CHM: variants seen among roughly 807,000 people sequenced by gnomAD.
CHM encodes CHM Rab escort protein.
Under a neutral mutation model 49.0 loss-of-function variants are expected in CHM, and 10 were observed. The observed-to-expected ratio is 0.20, with a 90% confidence interval of 0.13 to 0.35. CHM has a LOEUF of 0.35. CHM is among the 10% of genes least tolerant of loss of function. CHM has a pLI of 1.00. For synonymous variants in CHM, 184 were observed against 167.5 expected (o/e 1.10, Z -0.76); for missense variants, 455 against 478.4 (o/e 0.95, Z 0.46).
intron 1 of CHM, among the ~76,000 whole-genome samples, chrX:86,036,529 C>A (rs1484126677): frequency 9.1e-6 from 1 of 110,415 alleles, no homozygotes; most frequent in African/African-American, 3.3e-5. Flanking sequence ...GGGTGCCTGG[C>A]TCTTAGTTGA....
At chrX:85,892,518 G>A (rs1001757801) in intron 12 of CHM, among the ~76,000 whole-genome samples, 5 of 110,043 alleles carry the variant, frequency 4.5e-5, no homozygotes, top group African/African-American at 1.7e-4. Context: ...CCACCGCCAT[G>A]TTAAGAAGTG....
chrX:86,024,395 C>G (rs187725157), intron 2 of CHM, among the ~76,000 whole-genome samples: 23 of 112,549 alleles, frequency 2.0e-4, no homozygotes, highest in Admixed American at 2.0e-3. Context: ...CCCAGACCCA[C>G]TCATTTCAAC....
At chrX:86,033,418 T>C (rs1934116718) in intron 1 of CHM, among the ~76,000 whole-genome samples, 1 of 112,365 alleles carries the variant, frequency 8.9e-6, no homozygotes. Context: ...CCATGTGTTA[T>C]TTATAACCAG....
intron 1 of CHM, among the ~76,000 whole-genome samples, chrX:86,039,985 T>C (rs1569263540): frequency 9.0e-6 from 1 of 111,716 alleles, no homozygotes; most frequent in Non-Finnish European, 1.9e-5. Flanking sequence ...ACATTTACCA[T>C]CCTTCAATTC....
intron 2 of CHM, among the ~76,000 whole-genome samples, chrX:86,003,607 T>C (rs1331705201): frequency 8.9e-6 from 1 of 111,948 alleles, no homozygotes; most frequent in African/African-American, 3.3e-5. Flanking sequence ...GAGAACTTCA[T>C]GACGCATGCA....
chrX:86,035,404 GAAC>G (rs1934195471), intron 1 of CHM, among the ~76,000 whole-genome samples: 1 of 111,430 alleles, frequency 9.0e-6, no homozygotes, highest in African/African-American at 3.3e-5. Context: ...AGCTCTGAGA[GAAC>G]AACATGAATC....
At chrX:85,918,380 C>A (rs1426779444) in intron 8 of CHM, among the ~76,000 whole-genome samples, 1 of 111,847 alleles carries the variant, frequency 8.9e-6, no homozygotes, top group East Asian at 2.8e-4. Flanking sequence ...TACCACCACA[C>A]CTACCTTAAA....
intron 8 of CHM, among the ~76,000 whole-genome samples, chrX:85,922,737 G>A (rs1000303012): frequency 3.6e-5 from 4 of 111,821 alleles, no homozygotes; most frequent in Non-Finnish European, 1.9e-5. Flanking sequence ...ATCTTTCATA[G>A]GCAATGACTC....
intron 1 of CHM, among the ~76,000 whole-genome samples, chrX:86,043,490 C>G (rs1934550672): frequency 9.1e-6 from 1 of 109,941 alleles, no homozygotes; most frequent in Non-Finnish European, 1.9e-5. Context: ...ACTGCAGCCT[C>G]AAACTCCCAG....
intron 2 of CHM, among the ~76,000 whole-genome samples, chrX:86,016,545 C>T (rs1402789339): frequency 8.9e-6 from 1 of 112,734 alleles, no homozygotes; most frequent in Non-Finnish European, 1.9e-5. Flanking sequence ...GGTGCAAGCC[C>T]AAAGCCTTGG....
intron 2 of CHM, among the ~76,000 whole-genome samples, chrX:86,013,473 C>G (rs966764581): frequency 9.0e-6 from 1 of 111,475 alleles, no homozygotes; most frequent in Non-Finnish European, 1.9e-5. Context: ...GTGGCTCATG[C>G]CTGTAATCCC....
chrX:85,914,655 G>A (rs1221111007), intron 8 of CHM, among the ~76,000 whole-genome samples: 2 of 110,691 alleles, frequency 1.8e-5, no homozygotes, highest in Non-Finnish European at 3.8e-5. Context: ...TGACACACTG[G>A]GAGCCCTTCC....
intron 2 of CHM, among the ~76,000 whole-genome samples, chrX:85,988,789 A>C (rs1932040616): frequency 8.9e-6 from 1 of 111,932 alleles, no homozygotes; most frequent in Admixed American, 9.5e-5. Context: ...AATACAGCTA[A>C]CCAGGGAAGT....
intron 1 of CHM, among the ~76,000 whole-genome samples, chrX:86,038,598 G>A (rs1158902673): frequency 8.9e-6 from 1 of 111,854 alleles, no homozygotes; most frequent in Non-Finnish European, 1.9e-5. Flanking sequence ...AATTATTTTG[G>A]TTTACAGGAT....
At chrX:85,971,515 G>A in intron 4 of CHM, 1 of 274,387 alleles carries the variant, frequency 3.6e-6, no homozygotes. Flanking sequence ...TGGGCTTGTG[G>A]TCTCGGTGGG....
chrX:85,892,663 G>C (rs754952131), intron 12 of CHM, among the ~76,000 whole-genome samples: 1 of 110,961 alleles, frequency 9.0e-6, no homozygotes, highest in East Asian at 2.9e-4. Context: ...ACTATAAAAG[G>C]AGAAATGGTC....
intron 2 of CHM, among the ~76,000 whole-genome samples, chrX:86,007,529 T>C (rs1469257066): frequency 9.0e-6 from 1 of 111,352 alleles, no homozygotes; most frequent in Admixed American, 9.5e-5. Context: ...AGGGCTAATA[T>C]CCAGAATCTA....
intron 14 of CHM, among the ~76,000 whole-genome samples, chrX:85,871,320 A>AAAAAAAAAAAAAAAAAG (rs1487188345): frequency 9.7e-6 from 1 of 103,004 alleles, no homozygotes; most frequent in African/African-American, 3.8e-5. Context: ...AAAAAAAAAA[A>AAAAAAAAAAAAAAAAAG]AAGAAGAAAT....
At chrX:86,027,266 G>A in intron 2 of CHM, 1 of 296,803 alleles carries the variant, frequency 3.4e-6, no homozygotes, top group South Asian at 4.7e-5. Context: ...GATGCATTTG[G>A]TTTATTCTCA....
Sources: gnomAD v4.1 joint callset for allele counts (sites outside exome capture counted in the v4.1 genomes callset) on GRCh38, gnomAD v4.1.1 for gene constraint, MANE v1.5 for transcripts, NCBI Gene and HGNC (gene_info 2026-07-23, HGNC 2026-07-21) for gene names.